The following PEX5L variants were observed in gnomAD, a reference collection of about 807,000 sequenced individuals.
The protein encoded by PEX5L is PEX5-related protein.
PEX5L carries 30 observed loss-of-function variants against 84.0 expected under a neutral mutation model. The ratio of observed to expected loss-of-function variants is 0.36; its 90% confidence interval spans 0.27 to 0.48. The LOEUF (loss-of-function observed/expected upper bound fraction) is 0.48, where lower values mean the gene tolerates loss of function less well. Among genes scored for constraint, PEX5L ranks in the 20% least tolerant of loss-of-function variants. The pLI is 0.99. For missense variants in PEX5L, 533 were observed against 754.6 expected, an observed-to-expected ratio of 0.71 and a Z score of 3.44; for synonymous variants, 270 against 283.1, an observed-to-expected ratio of 0.95 and a Z score of 0.46.
intron 2 of PEX5L, among the ~76,000 whole-genome samples, chr3:179,935,989 A>G (rs533465078): frequency 1.3e-5 from 2 of 152,236 alleles, no homozygotes; most frequent in South Asian, 4.1e-4. Context: ...TGCCAGCACC[A>G]CGTTTCTTGG....
chr3:180,032,846 C>A (rs778048735), intron 1 of PEX5L, among the ~76,000 whole-genome samples: 3 of 151,958 alleles, frequency 2.0e-5, no homozygotes, highest in East Asian at 3.9e-4. Flanking sequence ...AGAGAAAGAC[C>A]CTGTCTCAAG....
At chr3:179,924,639 C>T (rs1770854050) in intron 2 of PEX5L, among the ~76,000 whole-genome samples, 1 of 152,108 alleles carries the variant, frequency 6.6e-6, no homozygotes, top group Non-Finnish European at 1.5e-5. Context: ...TCTTATTAAG[C>T]CCTGAGCCAT....
At chr3:179,807,313 A>G (rs28400364) in intron 14 of PEX5L, among the ~76,000 whole-genome samples, 35,097 of 152,080 alleles carry the variant, frequency 0.23, 4,552 homozygotes, top group African/African-American at 0.36. Context: ...TTTTTCCTTA[A>G]GTGGAAAATG....
At chr3:179,883,109 C>T (rs565252754) in intron 4 of PEX5L, among the ~76,000 whole-genome samples, 5 of 152,066 alleles carry the variant, frequency 3.3e-5, no homozygotes, top group Non-Finnish European at 5.9e-5. Flanking sequence ...TCTCCTCTTA[C>T]AATGAACGTG....
At chr3:179,986,835 A>G (rs1297563147) in intron 1 of PEX5L, among the ~76,000 whole-genome samples, 3 of 152,236 alleles carry the variant, frequency 2.0e-5, no homozygotes, top group Non-Finnish European at 2.9e-5. Context: ...CCCTCAGCAT[A>G]TTTCCATTTC....
At chr3:179,932,773 C>T (rs1031420228) in intron 2 of PEX5L, among the ~76,000 whole-genome samples, 14 of 151,960 alleles carry the variant, frequency 9.2e-5, no homozygotes, top group Admixed American at 5.9e-4. Context: ...TTATAATGTA[C>T]GATATGATGT....
At chr3:179,831,045 C>T (rs950373776) in intron 8 of PEX5L, among the ~76,000 whole-genome samples, 9 of 152,076 alleles carry the variant, frequency 5.9e-5, no homozygotes, top group South Asian at 2.1e-4. Context: ...TGGCTGGGCA[C>T]GGTGGCTCAC....
chr3:179,853,101 C>T (rs1742559042), intron 8 of PEX5L, among the ~76,000 whole-genome samples: 1 of 152,050 alleles, frequency 6.6e-6, no homozygotes, highest in Non-Finnish European at 1.5e-5. Context: ...CGACATGAAA[C>T]CCATAATAAC....
intron 8 of PEX5L, among the ~76,000 whole-genome samples, chr3:179,844,555 G>A (rs868734560): frequency 6.6e-6 from 1 of 152,170 alleles, no homozygotes. Context: ...TCAGCTGGGC[G>A]CGGTGGCTCA....
chr3:179,844,130 C>T (rs890907423), intron 8 of PEX5L, among the ~76,000 whole-genome samples: 3 of 152,118 alleles, frequency 2.0e-5, no homozygotes, highest in African/African-American at 7.2e-5. Context: ...AATCCAGAAC[C>T]CTAACTTTAC....
At chr3:179,924,851 AT>A (rs138884063) in intron 2 of PEX5L, among the ~76,000 whole-genome samples, 11,726 of 152,156 alleles carry the variant, frequency 0.077, 592 homozygotes, top group Middle Eastern at 0.11. Context: ...ATAAGAGAAA[AT>A]TTTTTTTGAG....
chr3:179,899,484 C>G (rs1041400277), intron 2 of PEX5L, among the ~76,000 whole-genome samples: 1 of 152,048 alleles, frequency 6.6e-6, no homozygotes, highest in African/African-American at 2.4e-5. Context: ...GATATTAACT[C>G]AGAACTTAAT....
intron 1 of PEX5L, chr3:179,973,841 G>A: frequency 1.0e-6 from 1 of 985,340 alleles, no homozygotes; most frequent in Non-Finnish European, 1.2e-6. Context: ...AGTGGGAGGA[G>A]GCATTTAGAG....
chr3:179,814,123 T>C (rs1171232623), intron 10 of PEX5L, among the ~76,000 whole-genome samples: 1 of 152,114 alleles, frequency 6.6e-6, no homozygotes, highest in Non-Finnish European at 1.5e-5. Flanking sequence ...GCTTGGCCTA[T>C]CTTTTAAAAA....
At position 180,018,963 on chromosome 3, in the gene PEX5L, A is replaced by T. The variant is rs144527597; in HGVS notation, c.21+17616T>A. On this transcript the variant is annotated intron_variant, in intron 1 of 14. Coordinates refer to ENST00000467460, the MANE Select transcript of PEX5L (RefSeq NM_016559.3). ...ACTCTATTAAAGGCATCATAGAGCC[A>T]CAGAAATCAATACAATCAACTTTAT... is the stretch of plus-strand genomic sequence containing the variant. 4.1e-3 allele frequency among the ~76,000 whole-genome samples: 628 copies of T among 152,310 alleles called. 11 individuals carry two copies. The highest frequency in any genetic ancestry group is 0.014 in the African/African-American group (602 of 41,564).
chr3:179,849,147 T>C (rs1186891749), intron 8 of PEX5L, among the ~76,000 whole-genome samples: 1 of 152,230 alleles, frequency 6.6e-6, no homozygotes, highest in Non-Finnish European at 1.5e-5. Context: ...AAGTAATAAA[T>C]GGACCTCAAG....
chr3:180,010,246 C>CTTTTTTTTTTT (rs1178375452), intron 1 of PEX5L, among the ~76,000 whole-genome samples: 13 of 105,178 alleles, frequency 1.2e-4, no homozygotes, highest in African/African-American at 3.0e-4. Flanking sequence ...CACCCGGCCT[C>CTTTTTTTTTTT]TTTTTTTTTT....
intron 4 of PEX5L, among the ~76,000 whole-genome samples, chr3:179,880,652 A>C (rs1056128903): frequency 1.3e-5 from 2 of 152,234 alleles, no homozygotes; most frequent in East Asian, 3.8e-4. Context: ...GAGGTATTTT[A>C]TAATCCATAG....
rs1253321862 is a variant in PEX5L at position 179,798,110 on chromosome 3, C to CAA, written c.*3716_*3717dup. 1 of 152,124 alleles carries CAA rather than the reference C, an allele frequency of 6.6e-6. No individual in the cohort carries two copies. Among genetic ancestry groups the CAA allele is most frequent in the Non-Finnish European group, 1.5e-5 (1 of 68,026 alleles). The allele number at this position is 152,124 out of a possible 1,614,324, so 9.4% of individuals were successfully genotyped here. ...AATATACAAGAAATATTTATCTATA[C>CAA]AAGTATTTAGACATGGGTCCCACGT... On this transcript the variant is annotated 3_prime_UTR_variant, in exon 15 of 15. Transcript: ENST00000467460.
Sources: gnomAD v4.1 joint callset for allele counts (sites outside exome capture counted in the v4.1 genomes callset) on GRCh38, gnomAD v4.1.1 for gene constraint, MANE v1.5 for transcripts, NCBI Gene and HGNC (gene_info 2026-07-23, HGNC 2026-07-21) for gene names.